FAF1: variants seen among roughly 807,000 people sequenced by gnomAD.
FAF1 encodes the protein Fas associated factor 1, also known as FAS-associated factor 1.
A neutral mutation model predicts 92.5 loss-of-function variants in FAF1; 25 were observed. That is an observed-to-expected ratio of 0.27 (90% CI 0.20 to 0.38). The LOEUF is 0.38. Ranked by LOEUF, FAF1 falls within the 10% of genes least tolerant of loss-of-function variation. FAF1 has a pLI of 1.00. For synonymous variants in FAF1, 234 were observed against 273.2 expected (o/e 0.86, Z 1.42); for missense variants, 636 against 793.3 (o/e 0.80, Z 2.38).
At chr1:50,629,806 C>T (rs1050144607) in intron 8 of FAF1, among the ~76,000 whole-genome samples, 1 of 152,200 alleles carries the variant, frequency 6.6e-6, no homozygotes, top group East Asian at 1.9e-4. Context: ...CGCCTGTAAT[C>T]CCAGCACTTT....
At chr1:50,830,434 G>A (rs1644142570) in intron 2 of FAF1, among the ~76,000 whole-genome samples, 1 of 152,216 alleles carries the variant, frequency 6.6e-6, no homozygotes, top group African/African-American at 2.4e-5. Context: ...TTAAGATACA[G>A]AGACATTGGG....
chr1:50,460,808 A>ATG (rs61176999), intron 18 of FAF1, among the ~76,000 whole-genome samples: 6,844 of 146,948 alleles, frequency 0.047, 235 homozygotes, highest in Admixed American at 0.12. Flanking sequence ...GTATTTGTAT[A>ATG]TGTGTGTGTG....
intron 7 of FAF1, among the ~76,000 whole-genome samples, chr1:50,673,682 G>T (rs1655997277): frequency 6.6e-6 from 1 of 152,232 alleles, no homozygotes; most frequent in South Asian, 2.1e-4. Flanking sequence ...TGAAGAAGAA[G>T]GTATAACTTC....
At chr1:50,737,645 A>G (rs373716477) in intron 6 of FAF1, among the ~76,000 whole-genome samples, 1 of 152,230 alleles carries the variant, frequency 6.6e-6, no homozygotes, top group African/African-American at 2.4e-5. Flanking sequence ...GAGCAATCCA[A>G]GAACTCTTTA....
intron 2 of FAF1, among the ~76,000 whole-genome samples, chr1:50,813,766 C>A (rs531067293): frequency 6.6e-6 from 1 of 151,798 alleles, no homozygotes; most frequent in Non-Finnish European, 1.5e-5. Flanking sequence ...ACTGTATTGT[C>A]GGCATCTCTC....
rs185103192 is a variant in FAF1, at chr1:50,591,439, G to A, written c.840+4682C>T. On this transcript the variant is annotated intron_variant, in intron 9 of 18. Coordinates refer to ENST00000396153, the MANE Select transcript of FAF1 (RefSeq NM_007051.3). Reference sequence around the variant, plus strand: ...TGCAATCCCAGCACTTTGGAAGGGCGTGGCAGGTGGATCACGACTTAAGGT... The same window carrying A: ...TGCAATCCCAGCACTTTGGAAGGGCATGGCAGGTGGATCACGACTTAAGGT... 7.9e-5 allele frequency among the ~76,000 whole-genome samples: 12 copies of A among 152,270 alleles called. No homozygotes were observed. In the East Asian group the frequency reaches 1.2e-3, roughly 15 times the overall value.
intron 8 of FAF1, among the ~76,000 whole-genome samples, chr1:50,651,285 A>T (rs955067425): frequency 9.9e-5 from 15 of 152,162 alleles, no homozygotes; most frequent in Non-Finnish European, 1.6e-4. Context: ...CTTCTTTTTT[A>T]AAAAAATAGC....
At chr1:50,490,447 GGAAGGAAGGAAGGAAAA>G in intron 17 of FAF1, 124 bp downstream of exon 17, 1 of 325,282 alleles carries the variant, frequency 3.1e-6, no homozygotes, top group South Asian at 3.3e-5. Context: ...AAGGAAGGAA[GGAAGGAAGGAAGGAAAA>G]AGAAAGAAGG....
At chr1:50,609,276 G>A (rs1280205761) in intron 8 of FAF1, among the ~76,000 whole-genome samples, 1 of 152,090 alleles carries the variant, frequency 6.6e-6, no homozygotes, top group Admixed American at 6.5e-5. Context: ...AATGAACCTG[G>A]CATAGCTTGC....
chr1:50,624,156 C>CT (rs1241862069), intron 8 of FAF1, among the ~76,000 whole-genome samples: 4 of 151,354 alleles, frequency 2.6e-5, no homozygotes, highest in Admixed American at 1.3e-4. Flanking sequence ...AACTTTCGAA[C>CT]TTTTTTTTTC....
intron 8 of FAF1, among the ~76,000 whole-genome samples, chr1:50,634,917 T>C (rs1180405443): frequency 6.6e-6 from 1 of 152,098 alleles, no homozygotes. Context: ...CTAAGGAAAA[T>C]TTAGGATAAC....
chr1:50,846,769 TA>T, intron 2 of FAF1: 1 of 691,222 alleles, frequency 1.4e-6, no homozygotes, highest in East Asian at 3.7e-5. Flanking sequence ...ACCCAGGAAC[TA>T]AAAGAATGTG....
At chr1:50,724,040 C>A (rs756369419) in intron 6 of FAF1, among the ~76,000 whole-genome samples, 1 of 151,962 alleles carries the variant, frequency 6.6e-6, no homozygotes, top group Non-Finnish European at 1.5e-5. Context: ...TGAGCCACCA[C>A]ACCCAGCACA....
At position 50,856,359 on chromosome 1, in the gene FAF1, T is replaced by G. The variant is rs377264598; in HGVS notation, c.114+1570A>C. Among the ~76,000 whole-genome samples, 28 of 151,888 alleles carry G rather than the reference T, an allele frequency of 1.8e-4. No individual in the cohort carries two copies. In the South Asian group the frequency reaches 4.6e-3, roughly 25 times the overall value. ...CAAAAGAAGACTCAAGACAAGAAAC[T>G]TGGGAGCATCGTTTCGATTAAGCCA... is the stretch of plus-strand genomic sequence containing the variant. On this transcript the variant is annotated intron_variant, in intron 2 of 18. Transcript: ENST00000396153.
intron 7 of FAF1, among the ~76,000 whole-genome samples, chr1:50,695,487 C>A (rs925048138): frequency 1.3e-5 from 2 of 151,920 alleles, no homozygotes; most frequent in African/African-American, 4.8e-5. Context: ...TAAATGAATA[C>A]AAATTAATCC....
At chr1:50,757,722 TA>T (rs1557512867) in intron 4 of FAF1, among the ~76,000 whole-genome samples, 2 of 152,186 alleles carry the variant, frequency 1.3e-5, no homozygotes, top group African/African-American at 4.8e-5. Flanking sequence ...CCTTTTATTA[TA>T]ACATGAGATC....
chr1:50,438,121 T>A lies in FAF1; in HGVS notation c.*3319A>T, dbSNP rs1035606954. ...TTAAGTCCTGACCCTTCTACTGACA[T>A]GCTGTGTGATTTTAGGCAAGCCACT... On this transcript the variant is annotated 3_prime_UTR_variant, in exon 19 of 19. Transcript: ENST00000396153. 6.6e-6 allele frequency: 1 copy of A among 151,000 alleles called. No individual in the cohort carries two copies. The highest frequency in any genetic ancestry group is 6.6e-5 in the Admixed American group (1 of 15,168). The allele number at this position is 151,000 out of a possible 1,614,324, so 9.4% of individuals were successfully genotyped here.
intron 13 of FAF1, among the ~76,000 whole-genome samples, chr1:50,566,309 T>C (rs1384394622): frequency 2.0e-5 from 3 of 152,088 alleles, no homozygotes; most frequent in African/African-American, 7.2e-5. Context: ...GACTAAAATA[T>C]GCTTGCCTTG....
chr1:50,843,919 A>C (rs1290660427), intron 2 of FAF1, among the ~76,000 whole-genome samples: 3 of 152,148 alleles, frequency 2.0e-5, no homozygotes, highest in Non-Finnish European at 4.4e-5. Context: ...ATTGCTGGGT[A>C]TATGGCAGCT....
Sources: gnomAD v4.1 joint callset for allele counts (sites outside exome capture counted in the v4.1 genomes callset) on GRCh38, gnomAD v4.1.1 for gene constraint, MANE v1.5 for transcripts, NCBI Gene and HGNC (gene_info 2026-07-23, HGNC 2026-07-21) for gene names.